Variants in UNC13C observed in about 807,000 individuals in gnomAD.
The protein encoded by UNC13C is protein unc-13 homolog C.
Under a neutral mutation model 245.4 loss-of-function variants are expected in UNC13C, and 174 were observed. That is an observed-to-expected ratio of 0.71 (90% CI 0.63 to 0.80). The LOEUF is 0.80. UNC13C is among the 30% of genes least tolerant of loss of function. The pLI is 0.00. For synonymous variants in UNC13C, 992 were observed against 895.1 expected, an observed-to-expected ratio of 1.11 and a Z score of -1.93; for missense variants, 2,829 against 2,602.9, an observed-to-expected ratio of 1.09 and a Z score of -1.89.
chr15:54,564,435 G>A (rs1009672822), intron 29 of UNC13C, among the ~76,000 whole-genome samples: 2 of 151,938 alleles, frequency 1.3e-5, no homozygotes, highest in Non-Finnish European at 2.9e-5. Context: ...AGTCCCCAAA[G>A]TCCCAGAGTT....
At chr15:54,368,494 G>T (rs1262380289) in intron 17 of UNC13C, among the ~76,000 whole-genome samples, 3 of 151,846 alleles carry the variant, frequency 2.0e-5, no homozygotes, top group Non-Finnish European at 4.4e-5. Flanking sequence ...CAACATGTGA[G>T]TTATGGCAAA....
chr15:54,538,038 G>C (rs1896062524), intron 26 of UNC13C, among the ~76,000 whole-genome samples: 2 of 138,986 alleles, frequency 1.4e-5, no homozygotes, highest in Non-Finnish European at 3.0e-5. Flanking sequence ...AGAGTAAACA[G>C]ACATCTTACA....
chr15:54,491,348 C>A, intron 19 of UNC13C, among the ~76,000 whole-genome samples: 1 of 151,030 alleles, frequency 6.6e-6, no homozygotes, highest in African/African-American at 2.4e-5. Flanking sequence ...ATCCTAACTT[C>A]CTACCAAAGG....
At chr15:53,881,189 G>A in the UNC13C span, among the ~76,000 whole-genome samples, 1 of 152,044 alleles carries the variant, frequency 6.6e-6, no homozygotes, top group South Asian at 2.1e-4. Context: ...TGTTTCTTTT[G>A]CTCTGTGAAG....
At chr15:54,333,673 TC>T (rs2038498965) in intron 15 of UNC13C, 93 bp from the exon 16 acceptor site, 2 of 752,080 alleles carry the variant, frequency 2.7e-6, no homozygotes, top group Admixed American at 2.4e-5. Flanking sequence ...CAGTTTACTT[TC>T]CATTTTCTTT....
intron 14 of UNC13C, among the ~76,000 whole-genome samples, chr15:54,330,482 T>A (rs1453242214): frequency 1.3e-5 from 2 of 151,960 alleles, no homozygotes; most frequent in East Asian, 3.9e-4. Context: ...CCAGTGAATA[T>A]AAGAGGGCCG....
At chr15:54,211,685 G>T (rs1165586773) in intron 4 of UNC13C, among the ~76,000 whole-genome samples, 1 of 152,062 alleles carries the variant, frequency 6.6e-6, no homozygotes, top group Non-Finnish European at 1.5e-5. Context: ...TTGTCCCAGT[G>T]TTCCCCATCA....
the UNC13C span, among the ~76,000 whole-genome samples, chr15:53,842,980 A>G: frequency 2.0e-5 from 3 of 151,238 alleles, no homozygotes; most frequent in Admixed American, 2.0e-4. Flanking sequence ...AATAAAGAAC[A>G]GAGAAATTTT....
At chr15:54,191,309 T>C (rs913129146) in intron 4 of UNC13C, among the ~76,000 whole-genome samples, 1 of 152,176 alleles carries the variant, frequency 6.6e-6, no homozygotes, top group African/African-American at 2.4e-5. Context: ...TGTTTGGTTT[T>C]CTGTTGCTGT....
intron 2 of UNC13C, among the ~76,000 whole-genome samples, chr15:54,038,878 A>G (rs1896698269): frequency 6.6e-6 from 1 of 152,138 alleles, no homozygotes; most frequent in African/African-American, 2.4e-5. Flanking sequence ...CATGAACTTA[A>G]CACAGTTACA....
intron 19 of UNC13C, among the ~76,000 whole-genome samples, chr15:54,450,682 G>C (rs1404558324): frequency 1.3e-5 from 2 of 152,178 alleles, no homozygotes; most frequent in Non-Finnish European, 2.9e-5. Context: ...AGCTTTGCTT[G>C]GCTAGTAAAG....
intron 2 of UNC13C, among the ~76,000 whole-genome samples, chr15:54,029,565 GAC>G (rs1358164070): frequency 1.7e-4 from 26 of 152,126 alleles, no homozygotes; most frequent in Admixed American, 4.6e-4. Context: ...TAGAAGAGAA[GAC>G]ACAGAAAAAT....
chr15:54,418,963 C>T (rs1423210619), intron 19 of UNC13C, among the ~76,000 whole-genome samples: 1 of 152,090 alleles, frequency 6.6e-6, no homozygotes, highest in African/African-American at 2.4e-5. Context: ...CCCGCACACT[C>T]CCTCCTCCCT....
At chr15:54,340,336 T>A (rs2038698843) in intron 17 of UNC13C, among the ~76,000 whole-genome samples, 1 of 152,162 alleles carries the variant, frequency 6.6e-6, no homozygotes, top group Non-Finnish European at 1.5e-5. Flanking sequence ...TGCTTTTAGG[T>A]TCTTGGTCAT....
chr15:54,112,476 C>T (rs1900829517), intron 2 of UNC13C, among the ~76,000 whole-genome samples: 1 of 152,150 alleles, frequency 6.6e-6, no homozygotes, highest in South Asian at 2.1e-4. Flanking sequence ...ATCTATTATG[C>T]AAATGAGGTT....
intron 19 of UNC13C, among the ~76,000 whole-genome samples, chr15:54,489,870 T>C (rs1893615744): frequency 6.6e-6 from 1 of 152,230 alleles, no homozygotes; most frequent in African/African-American, 2.4e-5. Flanking sequence ...CCTTTTTGTT[T>C]GTACTGTCCT....
At chr15:53,860,216 T>C in the UNC13C span, among the ~76,000 whole-genome samples, 39 of 152,204 alleles carry the variant, frequency 2.6e-4, no homozygotes, top group African/African-American at 8.9e-4. Context: ...TAATAATTTA[T>C]TGAGGTTAGA....
In UNC13C at chr15:54,338,342, A is replaced by T. The variant is rs758062538; in HGVS notation, c.4585-19A>T. On this transcript the variant is annotated intron_variant, in intron 16 of 32. Transcript: ENST00000260323. ...GTGTCACTGTTGCATTTGAGAAAAT[A>T]AATGTCTGTCTTTGTCAGGTTCTGG... The T allele has an allele frequency of 6.9e-6, 11 of 1,593,904 alleles. No homozygotes were observed. Among genetic ancestry groups the T allele is most frequent in the African/African-American group, 4.1e-5 (3 of 73,074 alleles).
intron 19 of UNC13C, among the ~76,000 whole-genome samples, chr15:54,484,332 G>T (rs1893293420): frequency 6.6e-6 from 1 of 152,118 alleles, no homozygotes; most frequent in Non-Finnish European, 1.5e-5. Context: ...TTACTTTTTA[G>T]CGAGCATGGA....
Sources: gnomAD v4.1 joint callset for allele counts (sites outside exome capture counted in the v4.1 genomes callset) on GRCh38, gnomAD v4.1.1 for gene constraint, MANE v1.5 for transcripts, NCBI Gene and HGNC (gene_info 2026-07-23, HGNC 2026-07-21) for gene names.